EYS: variants seen among roughly 807,000 people sequenced by gnomAD.
The protein encoded by EYS is protein eyes shut homolog.
EYS carries 250 observed loss-of-function variants against 282.1 expected under a neutral mutation model. That is an observed-to-expected ratio of 0.89 (90% CI 0.80 to 0.98). The LOEUF is 0.98. Ranked by LOEUF, EYS falls within the 50% of genes least tolerant of loss-of-function variation. The pLI is 0.00. For synonymous variants in EYS, 1,355 were observed against 1,282.9 expected, an observed-to-expected ratio of 1.06 and a Z score of -1.20; for missense variants, 4,016 against 3,709.0, an observed-to-expected ratio of 1.08 and a Z score of -2.15.
intron 12 of EYS, among the ~76,000 whole-genome samples, chr6:65,113,782 G>T (rs1469223010): frequency 6.6e-6 from 1 of 151,898 alleles, no homozygotes; most frequent in African/African-American, 2.4e-5. Flanking sequence ...ATTTTTTCCT[G>T]TAAGTAGCTG....
intron 14 of EYS, among the ~76,000 whole-genome samples, chr6:64,993,518 T>A (rs1404249767): frequency 7.3e-6 from 1 of 136,978 alleles, no homozygotes; most frequent in African/African-American, 2.8e-5. Flanking sequence ...TAGGTGGGAA[T>A]TGAACAATGA....
chr6:64,503,094 A>G (rs1200788381), intron 26 of EYS, among the ~76,000 whole-genome samples: 1 of 152,250 alleles, frequency 6.6e-6, no homozygotes, highest in Non-Finnish European at 1.5e-5. Context: ...TCTGTCTGTC[A>G]AGACACAACA....
At position 65,442,785 on chromosome 6, in the gene EYS, A is replaced by T. The variant is rs1315740008; in HGVS notation, c.863-37418T>A. ...TAAAAATAAAAAATAAAAAATTAAA[A>T]AAAAATATATAGACACACACACATG... is the stretch of plus-strand genomic sequence containing the variant. On this transcript the variant is annotated intron_variant, in intron 5 of 42. Transcript: ENST00000503581. Among the ~76,000 whole-genome samples the T allele has an allele frequency of 8.2e-5, 10 of 121,856 alleles. No individual in the cohort carries two copies. The Admixed American group carries it at 9.4e-4, about 11-fold the overall frequency. 79.9% of individuals were successfully genotyped at this position (121,856 alleles called of 152,430 possible).
At chr6:64,081,617 A>G (rs991921378) in intron 32 of EYS, among the ~76,000 whole-genome samples, 27 of 152,188 alleles carry the variant, frequency 1.8e-4, no homozygotes, top group Non-Finnish European at 3.2e-4. Context: ...TCAAATTCAT[A>G]TGCTTGCTAA....
intron 19 of EYS, among the ~76,000 whole-genome samples, chr6:64,848,681 T>C (rs1290213581): frequency 1.3e-5 from 2 of 152,108 alleles, no homozygotes; most frequent in Non-Finnish European, 2.9e-5. Flanking sequence ...CGAATGCAGC[T>C]GGTGTAAATA....
At position 65,392,508 on chromosome 6, in the gene EYS, G is replaced by A. The variant is rs191110651; in HGVS notation, c.1185-8008C>T. 6.1e-3 allele frequency among the ~76,000 whole-genome samples: 932 copies of A among 152,270 alleles called. 2 individuals carry two copies. The highest frequency in any genetic ancestry group is 0.01 in the Non-Finnish European group (694 of 68,020). Reference sequence around the variant, plus strand: ...CAAACAACCCCATCAAAAAGTGGGAGAAGGATATGAAAAGACACTTCTCAA... The same window carrying A: ...CAAACAACCCCATCAAAAAGTGGGAAAAGGATATGAAAAGACACTTCTCAA... On this transcript the variant is annotated intron_variant, in intron 7 of 42. Transcript: ENST00000503581.
At chr6:64,035,936 T>G (rs891394165) in intron 33 of EYS, among the ~76,000 whole-genome samples, 1 of 152,220 alleles carries the variant, frequency 6.6e-6, no homozygotes, top group African/African-American at 2.4e-5. Flanking sequence ...AGTTTTGGTT[T>G]GGAAAGCTGT....
intron 31 of EYS, among the ~76,000 whole-genome samples, chr6:64,197,319 C>A (rs993575408): frequency 6.6e-6 from 1 of 152,052 alleles, no homozygotes; most frequent in African/African-American, 2.4e-5. Flanking sequence ...ATACTTTTAG[C>A]CATGGGATTT....
chr6:65,204,512 G>C (rs1414330957), intron 12 of EYS, among the ~76,000 whole-genome samples: 1 of 151,386 alleles, frequency 6.6e-6, no homozygotes, highest in African/African-American at 2.4e-5. Flanking sequence ...ATTTCTTCCA[G>C]ATTGGACCTA....
intron 35 of EYS, among the ~76,000 whole-genome samples, chr6:63,962,618 G>A (rs1248510671): frequency 2.6e-5 from 4 of 152,068 alleles, no homozygotes; most frequent in East Asian, 1.9e-4. Flanking sequence ...CAACAGGTGC[G>A]GAGAGGATGT....
chr6:65,490,756 AC>A, intron 4 of EYS, 49 bp from the exon 5 acceptor site: 1 of 949,394 alleles, frequency 1.1e-6, no homozygotes, highest in East Asian at 2.5e-5. Flanking sequence ...CAATATTATA[AC>A]CATCAGTTTT....
At chr6:64,516,018 A>C (rs2150522401) in intron 26 of EYS, among the ~76,000 whole-genome samples, 1 of 151,908 alleles carries the variant, frequency 6.6e-6, no homozygotes, top group South Asian at 2.1e-4. Flanking sequence ...CTAAGATGTA[A>C]TTAATTTATA....
In EYS at chr6:65,405,235, T is replaced by A. The variant is rs764463255; in HGVS notation, c.995A>T (p.Asp332Val). The A allele has an allele frequency of 6.2e-6, 10 of 1,613,266 alleles. No homozygotes were observed. In the South Asian group the frequency reaches 8.8e-5, roughly 14 times the overall value. ...KGSSSQNGETDVSEFSLVPCQ... is the reference protein window; with the variant it reads ...KGSSSQNGETVVSEFSLVPCQ... ...TGGTACTAATGAAAACTCACTGACA[T>A]CAGTTTCACCATTTTGGCTGGAAGA... Residue 332 changes from aspartate to valine, a missense_variant, in exon 6 of 43, where the codon GAT (aspartate) becomes GTT (valine). Transcript: ENST00000503581.
At chr6:65,205,196 T>C (rs1766006270) in intron 12 of EYS, among the ~76,000 whole-genome samples, 2 of 149,772 alleles carry the variant, frequency 1.3e-5, no homozygotes, top group African/African-American at 4.9e-5. Flanking sequence ...ATACTCAAAG[T>C]AAAGGGGTAG....
intron 31 of EYS, among the ~76,000 whole-genome samples, chr6:64,157,698 G>T (rs1030652982): frequency 6.6e-6 from 1 of 152,142 alleles, no homozygotes; most frequent in African/African-American, 2.4e-5. Context: ...GCTTGGAGAG[G>T]TGTTGAGCCT....
intron 31 of EYS, among the ~76,000 whole-genome samples, chr6:64,099,126 T>A (rs538445470): frequency 2.0e-5 from 3 of 152,306 alleles, no homozygotes; most frequent in Admixed American, 6.5e-5. Context: ...GTCACTAAAA[T>A]TATCATTGAA....
chr6:64,143,920 C>A (rs1774428871), intron 31 of EYS, among the ~76,000 whole-genome samples: 1 of 150,286 alleles, frequency 6.7e-6, no homozygotes, highest in Non-Finnish European at 1.5e-5. Context: ...TTGGGGTATC[C>A]CCTTTTGAGC....
At chr6:64,692,321 C>T (rs1374513407) in intron 22 of EYS, among the ~76,000 whole-genome samples, 1 of 152,086 alleles carries the variant, frequency 6.6e-6, no homozygotes, top group Non-Finnish European at 1.5e-5. Context: ...TGTTCATGTC[C>T]TTTGCCCATT....
At chr6:65,008,373 G>A (rs146690345) in intron 13 of EYS, among the ~76,000 whole-genome samples, 232 of 152,110 alleles carry the variant, frequency 1.5e-3, no homozygotes, top group African/African-American at 5.1e-3. Context: ...CCATAGGCCC[G>A]GAGCAAAACT....
Sources: allele counts gnomAD v4.1 joint callset (sites outside exome capture counted in the v4.1 genomes callset), GRCh38; gene constraint gnomAD v4.1.1; transcripts MANE v1.5; gene names NCBI Gene and HGNC (gene_info 2026-07-23, HGNC 2026-07-21).